Variants in NUB1 observed in about 807,000 individuals in gnomAD.
The protein encoded by NUB1 is negative regulator of ubiquitin like proteins 1, also known as NEDD8 ultimate buster 1.
In NUB1, 41 loss-of-function variants were observed where a neutral mutation model predicts 77.1. The observed-to-expected ratio is 0.53, with a 90% CI of 0.41 to 0.69. NUB1 has a LOEUF of 0.69. NUB1 is among the 30% of genes least tolerant of loss of function. The probability of loss-of-function intolerance (pLI) is 0.00; values close to 1 mark genes in which losing one functional copy is unlikely to be tolerated. For missense variants in NUB1, 643 were observed against 743.8 expected (o/e 0.86, Z 1.58); for synonymous variants, 257 against 281.0 (o/e 0.91, Z 0.85).
At chr7:151,375,279 T>C (rs80246097) in intron 12 of NUB1, among the ~76,000 whole-genome samples, 8,201 of 152,246 alleles carry the variant, frequency 0.054, 233 homozygotes, top group Admixed American at 0.078. Flanking sequence ...TGGAGAAATA[T>C]TAAGAGGTGG....
intron 13 of NUB1, 196 bp from the exon 14 acceptor site, chr7:151,376,438 C>T (rs61612466): frequency 1.2e-5 from 7 of 580,244 alleles, no homozygotes; most frequent in South Asian, 5.0e-5. Flanking sequence ...CTGACGCACC[C>T]GACTTGAGTC....
intron 7 of NUB1, among the ~76,000 whole-genome samples, chr7:151,356,740 G>A (rs764971533): frequency 2.0e-5 from 3 of 152,094 alleles, no homozygotes; most frequent in Non-Finnish European, 2.9e-5. Context: ...TTTTTGAGAC[G>A]GAGTTTTGCT....
intron 3 of NUB1, chr7:151,351,120 C>T (rs913328343): frequency 5.8e-6 from 2 of 346,914 alleles, no homozygotes; most frequent in Admixed American, 4.9e-5. Context: ...GGGGTGCAGG[C>T]CATGGTGTTT....
At chr7:151,347,830 T>TTA (rs1226960581) in intron 2 of NUB1, among the ~76,000 whole-genome samples, 2 of 152,238 alleles carry the variant, frequency 1.3e-5, no homozygotes, top group Non-Finnish European at 2.9e-5. Context: ...AATTTATGCT[T>TTA]ACACCATAAT....
chr7:151,376,050 C>T, intron 13 of NUB1, 107 bp downstream of exon 13: 1 of 761,406 alleles, frequency 1.3e-6, no homozygotes, highest in East Asian at 2.6e-5. Context: ...GTGCTGAAAC[C>T]TTGGCTCCCA....
At chr7:151,365,318 CTTTT>C (rs11354135) in intron 8 of NUB1, among the ~76,000 whole-genome samples, 1 of 141,720 alleles carries the variant, frequency 7.1e-6, no homozygotes, top group Admixed American at 7.0e-5. Flanking sequence ...TCTTCTCTCT[CTTTT>C]TTTTTTTTTT....
chr7:151,355,860 CA>C lies in NUB1; in HGVS notation c.509del (p.Gln170ArgfsTer2). On this transcript the variant is annotated frameshift_variant, in exon 6 of 15. Coordinates refer to ENST00000568733, the MANE Select transcript of NUB1 (RefSeq NM_001243351.2). LOFTEE classifies it high-confidence loss of function. The part of the protein sequence containing the change: ...QSEEDARKNF[Q>X]LEEEEQNEAK... Reference sequence around the variant, plus strand: ...TGAAGAGGACGCGAGGAAAAACTTCCAGTTAGAGGAAGAGGAGCAAAATGAG... The same window carrying C: ...TGAAGAGGACGCGAGGAAAAACTTCCGTTAGAGGAAGAGGAGCAAAATGAG... 2 of 1,613,412 alleles carry C rather than the reference CA, an allele frequency of 1.2e-6. No individual in the cohort carries two copies. The highest frequency in any genetic ancestry group is 1.7e-6 in the Non-Finnish European group (2 of 1,179,666).
chr7:151,355,537 A>C (rs758604419), intron 5 of NUB1, among the ~76,000 whole-genome samples: 4 of 152,200 alleles, frequency 2.6e-5, no homozygotes, highest in Non-Finnish European at 5.9e-5. Flanking sequence ...ACTGGGTGTG[A>C]TGGCATGGGC....
Position 151,355,846 on chromosome 7 carries a change from C to T in NUB1, c.494C>T (p.Ala165Val), listed in dbSNP as rs375054725. The change falls in exon 6 of 15, where the codon GCG becomes GTG. Residue 165 changes from alanine to valine, a missense_variant. Ala to Val is a moderately conservative substitution (Grantham distance 64, BLOSUM62 0). Coordinates refer to ENST00000568733, the MANE Select transcript of NUB1 (RefSeq NM_001243351.2). The stretch of plus-strand genomic sequence containing the variant: ...GAACTAAAACAATCTGAAGAGGACG[C>T]GAGGAAAAACTTCCAGTTAGAGGAA... ...VLELKQSEED[A>V]RKNFQLEEEE... The T allele has an allele frequency of 2.7e-5, 44 of 1,612,504 alleles. No individual in the cohort carries two copies. The highest frequency in any genetic ancestry group is 9.4e-5 in the African/African-American group (7 of 74,814).
Position 151,377,346 on chromosome 7 carries a change from G to C in NUB1, c.*121G>C. The stretch of plus-strand genomic sequence containing the variant: ...TACAAGTCCTCTTTGGGTGTAGGAG[G>C]GGGTGGGCAGGGGACAAGTCCAGGA... On this transcript the variant is annotated 3_prime_UTR_variant, in exon 15 of 15. Transcript: ENST00000568733. 3.0e-6 allele frequency: 2 copies of C among 661,220 alleles called. No homozygotes were observed. Among genetic ancestry groups the C allele is most frequent in the Non-Finnish European group, 4.9e-6 (2 of 412,094 alleles). The allele number at this position is 661,220 out of a possible 1,614,324, so 41.0% of individuals were successfully genotyped here.
At position 151,374,014 on chromosome 7, in the gene NUB1, C is replaced by G. The variant is rs753512364; in HGVS notation, c.1249-83C>G. ...GGTTTTTTGGCTTTGCCTGGAAATG[C>G]GGAGAATCCTGCAGAGCGCAGACTG... On this transcript the variant is annotated intron_variant, in intron 11 of 14. Transcript: ENST00000568733. The G allele has an allele frequency of 2.1e-6, 3 of 1,423,714 alleles. No homozygotes were observed. The Admixed American group carries it at 8.0e-5, about 38-fold the overall frequency. The allele number at this position is 1,423,714 out of a possible 1,614,324, so 88.2% of individuals were successfully genotyped here. A position where few individuals can be genotyped will look rare whatever the true frequency, so the allele number is the denominator to read the frequency against.
In NUB1 at chr7:151,356,174, A is replaced by G; in HGVS notation, c.645A>G (p.Ile215Met). 1 of 1,613,960 alleles carries G rather than the reference A, an allele frequency of 6.2e-7. No individual in the cohort carries two copies. Among genetic ancestry groups the G allele is most frequent in the Non-Finnish European group, 8.5e-7 (1 of 1,179,826 alleles). Residue 215 changes from isoleucine to methionine, a missense_variant, in exon 7 of 15, where the codon ATA (isoleucine) becomes ATG (methionine). Transcript: ENST00000568733. ...VDPEMTPYLD[I>M]ANQTGRSIRI... ...CAGAAATGACACCGTACTTAGACAT[A>G]GCTAACCAGACAGGCAGATCAATCA...
intron 4 of NUB1, chr7:151,352,074 C>T (rs761186009): frequency 1.1e-5 from 5 of 456,388 alleles, no homozygotes; most frequent in South Asian, 7.7e-5. Context: ...TTCTCATTTC[C>T]TTCTTTGGTC....
chr7:151,351,187 G>A (rs1796775670), intron 3 of NUB1: 11 of 483,328 alleles, frequency 2.3e-5, no homozygotes, highest in Middle Eastern at 5.3e-4. Flanking sequence ...TGTGTGAGAC[G>A]GCCCCTCTGA....
At chr7:151,354,427 T>C (rs1170396877) in intron 5 of NUB1, among the ~76,000 whole-genome samples, 1 of 152,100 alleles carries the variant, frequency 6.6e-6, no homozygotes, top group African/African-American at 2.4e-5. Flanking sequence ...AAAATCCAGC[T>C]AGTTTTCCAG....
At chr7:151,351,361 C>G (rs1323682427) in intron 3 of NUB1, 63 bp from the exon 4 acceptor site, 1 of 1,229,160 alleles carries the variant, frequency 8.1e-7, no homozygotes, top group Non-Finnish European at 1.2e-6. Flanking sequence ...TCTGATTTCA[C>G]AGGGTAATCT....
intron 8 of NUB1, among the ~76,000 whole-genome samples, chr7:151,364,586 A>G (rs1362487282): frequency 1.3e-5 from 2 of 151,934 alleles, no homozygotes; most frequent in Non-Finnish European, 2.9e-5. Context: ...GTGCAATGGC[A>G]CGATCTCGGC....
rs1370548479 is a variant in NUB1, at chr7:151,361,272, T to A, written c.800+1025T>A. ...AAAGGTGACCAAAGAGGTTTCTTTT[T>A]CTTTTCATTTTCTTAAGTGTCATTA... is the stretch of plus-strand genomic sequence containing the variant. On this transcript the variant is annotated intron_variant, in intron 8 of 14. Transcript: ENST00000568733. 2 of 152,270 alleles carry A rather than the reference T, an allele frequency of 1.3e-5. 1 individual carries two copies. Among genetic ancestry groups the A allele is most frequent in the Non-Finnish European group, 2.9e-5 (2 of 68,048 alleles). The allele number at this position is 152,270 out of a possible 1,614,324, so 9.4% of individuals were successfully genotyped here.
chr7:151,346,483 C>T (rs560352284), intron 2 of NUB1, among the ~76,000 whole-genome samples: 3 of 152,290 alleles, frequency 2.0e-5, no homozygotes, highest in Admixed American at 6.5e-5. Flanking sequence ...AGTACCAAGC[C>T]GTGATTAGAC....
Sources: allele counts gnomAD v4.1 joint callset (sites outside exome capture counted in the v4.1 genomes callset), GRCh38; gene constraint gnomAD v4.1.1; transcripts MANE v1.5; gene names NCBI Gene and HGNC (gene_info 2026-07-23, HGNC 2026-07-21).